Variants in FHIT observed in about 807,000 individuals in gnomAD.
The protein encoded by FHIT is fragile histidine triad diadenosine triphosphatase, also known as bis(5'-adenosyl)-triphosphatase.
FHIT carries 19 observed loss-of-function variants against 17.9 expected under a neutral mutation model. The observed-to-expected ratio is 1.06, with a 90% CI of 0.74 to 1.56. The LOEUF (loss-of-function observed/expected upper bound fraction) is 1.56. Among genes scored for constraint, FHIT ranks in the 40% most tolerant of loss-of-function variants. The pLI, the probability that FHIT is intolerant of heterozygous loss-of-function variation, is 0.00. For synonymous variants in FHIT, 81 were observed against 69.7 expected (o/e 1.16, Z -0.81); for missense variants, 248 against 189.2 (o/e 1.31, Z -1.82).
chr3:60,754,291 A>G (rs145058665), intron 4 of FHIT, among the ~76,000 whole-genome samples: 9 of 152,330 alleles, frequency 5.9e-5, no homozygotes, highest in African/African-American at 2.2e-4. Context: ...GATACTACTC[A>G]TTGATGCAAT....
At chr3:60,774,327 T>C (rs1700145851) in intron 4 of FHIT, among the ~76,000 whole-genome samples, 1 of 152,070 alleles carries the variant, frequency 6.6e-6, no homozygotes, top group Admixed American at 6.5e-5. Context: ...TGAGATGGAG[T>C]TCCATTCTTG....
chr3:60,043,673 C>CAGATAGATAGAT (rs56288645), intron 5 of FHIT, among the ~76,000 whole-genome samples: 207 of 123,684 alleles, frequency 1.7e-3, no homozygotes, highest in Middle Eastern at 0.016. Flanking sequence ...TATAGATAGA[C>CAGATAGATAGAT]AGATAGATAG....
intron 4 of FHIT, among the ~76,000 whole-genome samples, chr3:60,547,280 T>C (rs241678): frequency 0.95 from 144,582 of 152,210 alleles, 68,747 homozygotes; most frequent in East Asian, 1. Context: ...GAGATGGTGG[T>C]TTCTGTAAGC....
At chr3:60,363,201 C>A (rs774027458) in intron 5 of FHIT, among the ~76,000 whole-genome samples, 1 of 152,098 alleles carries the variant, frequency 6.6e-6, no homozygotes, top group Non-Finnish European at 1.5e-5. Flanking sequence ...AGGTCGGCAA[C>A]CCCACATCAG....
chr3:60,940,422 C>T (rs376835671), intron 3 of FHIT, among the ~76,000 whole-genome samples: 3 of 151,812 alleles, frequency 2.0e-5, no homozygotes, highest in Non-Finnish European at 4.4e-5. Flanking sequence ...GCTTCTGTAC[C>T]CCAAGTTTTT....
At chr3:59,909,378 A>G (rs1249928599) in intron 8 of FHIT, among the ~76,000 whole-genome samples, 1 of 150,738 alleles carries the variant, frequency 6.6e-6, no homozygotes, top group African/African-American at 2.4e-5. Context: ...CACCCAGGCT[A>G]GAATGCAGTG....
chr3:59,858,923 G>GTATTTTT (rs941703585), intron 8 of FHIT, among the ~76,000 whole-genome samples: 2 of 152,154 alleles, frequency 1.3e-5, no homozygotes, highest in Non-Finnish European at 2.9e-5. Flanking sequence ...AATAATAAGT[G>GTATTTTT]TGTGTTTGTG....
At chr3:59,800,043 G>C (rs577506690) in intron 8 of FHIT, among the ~76,000 whole-genome samples, 13 of 152,264 alleles carry the variant, frequency 8.5e-5, no homozygotes, top group African/African-American at 3.1e-4. Flanking sequence ...AACCATTCAG[G>C]AATACAAAAA....
intron 5 of FHIT, among the ~76,000 whole-genome samples, chr3:60,496,319 G>A (rs1443842014): frequency 6.6e-6 from 1 of 151,938 alleles, no homozygotes; most frequent in African/African-American, 2.4e-5. Flanking sequence ...AGAAAACAAT[G>A]ACCCAATGGA....
chr3:60,475,628 C>T (rs1324979732), intron 5 of FHIT, among the ~76,000 whole-genome samples: 1 of 152,190 alleles, frequency 6.6e-6, no homozygotes, highest in Admixed American at 6.5e-5. Context: ...ACTTTGATAC[C>T]TGTCAACTTC....
chr3:60,435,178 G>A (rs1250321874), intron 5 of FHIT, among the ~76,000 whole-genome samples: 1 of 152,104 alleles, frequency 6.6e-6, no homozygotes. Flanking sequence ...GTTCATACTA[G>A]CCTTCAGCCA....
chr3:60,446,987 C>G (rs1232788058), intron 5 of FHIT, among the ~76,000 whole-genome samples: 1 of 151,778 alleles, frequency 6.6e-6, no homozygotes, highest in East Asian at 1.9e-4. Flanking sequence ...TTTGGCAGAC[C>G]CAAACTTCTA....
chr3:60,622,241 A>T (rs1282754831), intron 4 of FHIT, among the ~76,000 whole-genome samples: 1 of 152,202 alleles, frequency 6.6e-6, no homozygotes, highest in Non-Finnish European at 1.5e-5. Flanking sequence ...TTGGCCGAAA[A>T]GATCATCTGT....
chr3:61,086,742 T>TTA (rs1028503853), intron 2 of FHIT, among the ~76,000 whole-genome samples: 1 of 152,100 alleles, frequency 6.6e-6, no homozygotes, highest in Admixed American at 6.6e-5. Flanking sequence ...TGGTGGATTA[T>TTA]TAGCTACCCT....
intron 5 of FHIT, among the ~76,000 whole-genome samples, chr3:60,459,613 C>T (rs544812055): frequency 6.6e-6 from 1 of 152,336 alleles, no homozygotes; most frequent in Admixed American, 6.5e-5. Flanking sequence ...GATTCTAGAT[C>T]TTCTAAACAA....
At chr3:60,266,217 A>C (rs1186649035) in intron 5 of FHIT, among the ~76,000 whole-genome samples, 1 of 152,102 alleles carries the variant, frequency 6.6e-6, no homozygotes, top group African/African-American at 2.4e-5. Context: ...ATTATTAGCA[A>C]TAAAAAAATA....
chr3:60,415,931 AATT>A (rs1227396616), intron 5 of FHIT, among the ~76,000 whole-genome samples: 2 of 148,384 alleles, frequency 1.3e-5, no homozygotes, highest in African/African-American at 2.4e-5. Context: ...TAATTCCATT[AATT>A]ATAATTATAG....
chr3:59,955,247 C>T (rs1290907465), intron 7 of FHIT, among the ~76,000 whole-genome samples: 1 of 152,212 alleles, frequency 6.6e-6, no homozygotes, highest in Non-Finnish European at 1.5e-5. Context: ...GACCTCTGGG[C>T]AGTGGCATCT....
chr3:60,212,268 T>C (rs894414799), intron 5 of FHIT, among the ~76,000 whole-genome samples: 2 of 152,124 alleles, frequency 1.3e-5, no homozygotes, highest in Admixed American at 1.3e-4. Context: ...ACACCCTTAT[T>C]TTCAGAAAAT....
Sources: allele counts gnomAD v4.1 joint callset (sites outside exome capture counted in the v4.1 genomes callset), GRCh38; gene constraint gnomAD v4.1.1; transcripts MANE v1.5; gene names NCBI Gene and HGNC (gene_info 2026-07-23, HGNC 2026-07-21).